The following LDAH variants were observed in gnomAD, a reference collection of about 807,000 sequenced individuals.
LDAH encodes the protein lipid droplet-associated hydrolase.
Under a neutral mutation model 29.6 loss-of-function variants are expected in LDAH, and 26 were observed. The ratio of observed to expected loss-of-function variants is 0.88; its 90% CI spans 0.64 to 1.22. LDAH has a LOEUF of 1.22. Among genes scored for constraint, LDAH ranks in the 50% most tolerant of loss-of-function variants. LDAH has a pLI of 0.00. For missense variants in LDAH, 344 were observed against 387.3 expected, an observed-to-expected ratio of 0.89 and a Z score of 0.94; for synonymous variants, 117 against 133.0, an observed-to-expected ratio of 0.88 and a Z score of 0.83.
At chr2:20,694,359 C>A (rs906310210) in intron 6 of LDAH, among the ~76,000 whole-genome samples, 1 of 152,150 alleles carries the variant, frequency 6.6e-6, no homozygotes, top group African/African-American at 2.4e-5. Context: ...TAAAGGAAAC[C>A]GATTCTGTGA....
At chr2:20,793,690 T>A (rs1031991475) in intron 2 of LDAH, among the ~76,000 whole-genome samples, 3 of 152,068 alleles carry the variant, frequency 2.0e-5, no homozygotes, top group African/African-American at 2.4e-5. Flanking sequence ...GATTTAAATT[T>A]AAAAAAAGTC....
chr2:20,794,987 GA>G (rs1165527119), intron 2 of LDAH, among the ~76,000 whole-genome samples: 8 of 152,106 alleles, frequency 5.3e-5, no homozygotes, highest in Non-Finnish European at 1.0e-4. Flanking sequence ...AAACCACAAA[GA>G]AAATTAAAAG....
chr2:20,756,055 G>A (rs559433139), intron 4 of LDAH, among the ~76,000 whole-genome samples: 50 of 150,742 alleles, frequency 3.3e-4, no homozygotes, highest in African/African-American at 1.1e-3. Context: ...TTTTTGAGAC[G>A]GAGTCTCACT....
intron 5 of LDAH, among the ~76,000 whole-genome samples, chr2:20,718,599 A>G (rs985610754): frequency 2.6e-5 from 4 of 152,160 alleles, no homozygotes; most frequent in African/African-American, 9.7e-5. Context: ...TTGGCAATAG[A>G]TAGATTATCC....
At position 20,701,582 on chromosome 2, in the gene LDAH, C is replaced by T. The variant is rs904942034; in HGVS notation, c.774G>A (p.Glu258=). The change falls in exon 6 of 7, where the codon GAG becomes GAA. Residue 258 remains glutamate (E), a synonymous_variant. Transcript: ENST00000237822. The stretch of plus-strand genomic sequence containing the variant: ...CTAAAGTGATTACCTTACATAAATG[C>T]TCCTTTATGGTTTCGTCATCTCTCT... ...VVKRDDETIK[E]HLCKLTFYYG... is the part of the protein sequence containing the mutation. The T allele has an allele frequency of 1.9e-6, 3 of 1,613,882 alleles. No homozygotes were observed. Among genetic ancestry groups the T allele is most frequent in the African/African-American group, 2.7e-5 (2 of 75,054 alleles).
At chr2:20,700,563 C>G (rs1208930009) in intron 6 of LDAH, among the ~76,000 whole-genome samples, 1 of 151,896 alleles carries the variant, frequency 6.6e-6, no homozygotes, top group African/African-American at 2.4e-5. Flanking sequence ...GCTCCTGAGT[C>G]CTATGAGAGT....
Position 20,790,412 on chromosome 2 carries a change from C to T in LDAH, c.155-14G>A, listed in dbSNP as rs2125071839. 2 of 1,610,508 alleles carry T rather than the reference C, an allele frequency of 1.2e-6. No individual in the cohort carries two copies. Among genetic ancestry groups the T allele is most frequent in the East Asian group, 2.2e-5 (1 of 44,856 alleles). ...AACCTGGGTTACCTAAGAAAAGAAA[C>T]ACAGACCTTAGATTAATCAAAGTAA... On this transcript the variant is annotated splice_polypyrimidine_tract_variant and intron_variant, in intron 2 of 6. Coordinates refer to ENST00000237822, the MANE Select transcript of LDAH (RefSeq NM_021925.4).
At chr2:20,693,644 C>T (rs1663202331) in intron 6 of LDAH, among the ~76,000 whole-genome samples, 2 of 152,224 alleles carry the variant, frequency 1.3e-5, no homozygotes, top group African/African-American at 4.8e-5. Flanking sequence ...TAAAGGAGAC[C>T]TGGAGCCTAA....
chr2:20,691,260 G>C (rs1247050137), intron 6 of LDAH, among the ~76,000 whole-genome samples: 1 of 152,152 alleles, frequency 6.6e-6, no homozygotes, highest in Non-Finnish European at 1.5e-5. Flanking sequence ...CTGGAGCCTT[G>C]ACCTCCCGAG....
chr2:20,752,793 G>T (rs1668056380), intron 4 of LDAH, among the ~76,000 whole-genome samples: 1 of 152,208 alleles, frequency 6.6e-6, no homozygotes, highest in Non-Finnish European at 1.5e-5. Context: ...AGCTCTAGGG[G>T]AGAATCCATT....
intron 1 of LDAH, among the ~76,000 whole-genome samples, chr2:20,802,202 G>C (rs1351026661): frequency 6.6e-6 from 1 of 151,894 alleles, no homozygotes; most frequent in Non-Finnish European, 1.5e-5. Context: ...TGGGACTACA[G>C]GCACGTACCA....
intron 4 of LDAH, among the ~76,000 whole-genome samples, chr2:20,762,651 C>T (rs1007850293): frequency 1.3e-5 from 2 of 152,186 alleles, no homozygotes; most frequent in Non-Finnish European, 2.9e-5. Flanking sequence ...CACTATCACA[C>T]ATTGTGGTAG....
chr2:20,749,085 C>G (rs1307527854), intron 4 of LDAH, among the ~76,000 whole-genome samples: 1 of 152,106 alleles, frequency 6.6e-6, no homozygotes, highest in Non-Finnish European at 1.5e-5. Flanking sequence ...TACAGTATGC[C>G]AGGTGCTGTG....
At chr2:20,714,286 G>T (rs1397972754) in intron 5 of LDAH, among the ~76,000 whole-genome samples, 3 of 152,164 alleles carry the variant, frequency 2.0e-5, no homozygotes, top group South Asian at 2.1e-4. Context: ...TGACTACTGG[G>T]TAAATAATGA....
chr2:20,696,341 G>T (rs1162439492), intron 6 of LDAH, among the ~76,000 whole-genome samples: 1 of 152,172 alleles, frequency 6.6e-6, no homozygotes, highest in Non-Finnish European at 1.5e-5. Context: ...AATAGCAGAG[G>T]AGTTCCTGTT....
At position 20,685,064 on chromosome 2, in the gene LDAH, T is replaced by C; in HGVS notation, c.*1839A>G. ...GGCCAGACCAGGTCAGAAATGCTGG[T>C]AAAACATTTATTTCAAAAATTCATT... On this transcript the variant is annotated 3_prime_UTR_variant, in exon 7 of 7. Coordinates refer to ENST00000237822, the MANE Select transcript of LDAH (RefSeq NM_021925.4). The C allele has an allele frequency of 2.0e-6, 2 of 1,011,234 alleles. No individual in the cohort carries two copies. The highest frequency in any genetic ancestry group is 2.7e-6 in the Non-Finnish European group (2 of 744,694). 62.6% of individuals were successfully genotyped at this position (1,011,234 alleles called of 1,614,324 possible).
intron 6 of LDAH, among the ~76,000 whole-genome samples, chr2:20,695,992 C>T (rs1348361208): frequency 6.6e-6 from 1 of 152,144 alleles, no homozygotes; most frequent in Non-Finnish European, 1.5e-5. Flanking sequence ...CACTGCAGAA[C>T]CCCAGAGTGT....
intron 5 of LDAH, among the ~76,000 whole-genome samples, 177 bp downstream of exon 5, chr2:20,739,794 C>A (rs1484739752): frequency 6.6e-6 from 1 of 151,900 alleles, no homozygotes; most frequent in Non-Finnish European, 1.5e-5. Context: ...TTTCTAATTT[C>A]TTATGAAAAA....
intron 5 of LDAH, among the ~76,000 whole-genome samples, chr2:20,733,144 C>T (rs1367433004): frequency 6.6e-6 from 1 of 151,398 alleles, no homozygotes; most frequent in East Asian, 1.9e-4. Context: ...CACCAGCATA[C>T]ATTTTTGTCT....
Sources: gnomAD v4.1 joint callset for allele counts (sites outside exome capture counted in the v4.1 genomes callset) on GRCh38, gnomAD v4.1.1 for gene constraint, MANE v1.5 for transcripts, NCBI Gene and HGNC (gene_info 2026-07-23, HGNC 2026-07-21) for gene names.